Variants in DMRT1 observed in about 807,000 individuals in gnomAD.
DMRT1 encodes doublesex- and mab-3-related transcription factor 1.
A neutral mutation model predicts 32.3 loss-of-function variants in DMRT1; 7 were observed. The ratio of observed to expected loss-of-function variants is 0.22; its 90% CI spans 0.12 to 0.41. DMRT1 has a LOEUF of 0.41. Ranked by LOEUF, DMRT1 falls within the 10% of genes least tolerant of loss-of-function variation. The pLI is 1.00. For synonymous variants in DMRT1, 278 were observed against 206.1 expected (o/e 1.35, Z -2.99); for missense variants, 625 against 500.5 (o/e 1.25, Z -2.37).
At chr9:894,261 GCACATA>G (rs1180495238) in intron 3 of DMRT1, 66 bp downstream of exon 3, 6 of 1,546,072 alleles carry the variant, frequency 3.9e-6, no homozygotes, top group Non-Finnish European at 5.3e-6. Context: ...GCACACACAT[GCACATA>G]CACACAGAGG....
intron 3 of DMRT1, among the ~76,000 whole-genome samples, chr9:904,123 G>C (rs1817685651): frequency 6.6e-6 from 1 of 152,184 alleles, no homozygotes; most frequent in African/African-American, 2.4e-5. Context: ...AGTAGCATTA[G>C]GTTAGTAAAT....
chr9:930,015 G>A (rs1818657261), intron 4 of DMRT1, among the ~76,000 whole-genome samples: 1 of 152,118 alleles, frequency 6.6e-6, no homozygotes, highest in South Asian at 2.1e-4. Context: ...GAGTAGCTGT[G>A]TGCCCAGCCG....
At chr9:882,067 C>T (rs912870889) in intron 2 of DMRT1, among the ~76,000 whole-genome samples, 4 of 152,144 alleles carry the variant, frequency 2.6e-5, no homozygotes, top group African/African-American at 7.2e-5. Context: ...CAGTTTTCCT[C>T]GGTGACTTGG....
chr9:922,191 T>A (rs1818376416), intron 4 of DMRT1, among the ~76,000 whole-genome samples: 1 of 152,054 alleles, frequency 6.6e-6, no homozygotes, highest in Non-Finnish European at 1.5e-5. Context: ...GAAAAAAGTC[T>A]GGGGGGCTCT....
chr9:941,254 A>T (rs1226068904), intron 4 of DMRT1, among the ~76,000 whole-genome samples: 1 of 152,048 alleles, frequency 6.6e-6, no homozygotes, highest in Non-Finnish European at 1.5e-5. Context: ...ATGGGGGTCA[A>T]CCTAAGTGTC....
At chr9:854,759 C>G (rs1589451572) in intron 2 of DMRT1, among the ~76,000 whole-genome samples, 1 of 135,742 alleles carries the variant, frequency 7.4e-6, no homozygotes, top group African/African-American at 2.8e-5. Flanking sequence ...GAGTTTCTAG[C>G]AAAACAAAAC....
intron 4 of DMRT1, among the ~76,000 whole-genome samples, chr9:928,662 A>G (rs926680918): frequency 2.6e-5 from 4 of 152,162 alleles, no homozygotes; most frequent in Admixed American, 2.6e-4. Flanking sequence ...GTAGTTTTTT[A>G]CCAGGGTGGG....
At chr9:878,200 G>GCCCCCCCCCCCCCC (rs34336062) in intron 2 of DMRT1, among the ~76,000 whole-genome samples, 10 of 94,032 alleles carry the variant, frequency 1.1e-4, no homozygotes, top group Admixed American at 2.5e-4. Flanking sequence ...TGCAGCTGCT[G>GCCCCCCCCCCCCCC]CCCCCCCCCC....
chr9:900,960 G>A (rs534046979), intron 3 of DMRT1, among the ~76,000 whole-genome samples: 56 of 151,854 alleles, frequency 3.7e-4, no homozygotes, highest in Admixed American at 1.4e-3. Flanking sequence ...TAGAAGCGCT[G>A]GGATTACAGG....
intron 3 of DMRT1, among the ~76,000 whole-genome samples, chr9:908,513 A>G (rs1586602037): frequency 1.3e-5 from 2 of 152,186 alleles, no homozygotes; most frequent in East Asian, 3.9e-4. Flanking sequence ...CCTCTCCACA[A>G]TTTATGGAAA....
At chr9:915,927 G>A (rs1478601777) in intron 3 of DMRT1, among the ~76,000 whole-genome samples, 2 of 151,986 alleles carry the variant, frequency 1.3e-5, no homozygotes, top group African/African-American at 4.8e-5. Context: ...GAGAGATGGG[G>A]TTTCATTGTG....
chr9:904,942 C>CAAA (rs71327357), intron 3 of DMRT1, among the ~76,000 whole-genome samples: 27 of 135,360 alleles, frequency 2.0e-4, no homozygotes, highest in African/African-American at 6.6e-4. Flanking sequence ...AACTCCGTCT[C>CAAA]AAAAAAAAAA....
chr9:851,499 A>G (rs994233744), intron 2 of DMRT1, among the ~76,000 whole-genome samples: 10 of 152,124 alleles, frequency 6.6e-5, no homozygotes, highest in African/African-American at 2.4e-4. Context: ...CGGCCTCCCA[A>G]AGTGCTGGGA....
At chr9:896,370 C>A (rs188930971) in intron 3 of DMRT1, among the ~76,000 whole-genome samples, 2 of 149,130 alleles carry the variant, frequency 1.3e-5, no homozygotes, top group African/African-American at 5.0e-5. Context: ...CCTCCACCTC[C>A]TGGGTTCAAG....
Position 954,881 on chromosome 9 carries a change from C to T in DMRT1, c.968-13104C>T, listed in dbSNP as rs565246775. On this transcript the variant is annotated intron_variant, in intron 4 of 4. Coordinates refer to ENST00000382276, the MANE Select transcript of DMRT1 (RefSeq NM_021951.3). ...GGTCTCGGACTCCTGACCTCGTGAT[C>T]TGCCTGCCTCGGCCTCCCAAAGTGC... 2.0e-5 allele frequency among the ~76,000 whole-genome samples: 3 copies of T among 152,244 alleles called. No homozygotes were observed. In the East Asian group the frequency reaches 5.8e-4, roughly 29 times the overall value.
chr9:963,380 CGGG>C (rs1008466084), intron 4 of DMRT1, among the ~76,000 whole-genome samples: 2 of 151,456 alleles, frequency 1.3e-5, no homozygotes, highest in African/African-American at 4.9e-5. Flanking sequence ...TAATTGCACT[CGGG>C]GGAAAAACAC....
At chr9:937,006 C>T (rs913050648) in intron 4 of DMRT1, among the ~76,000 whole-genome samples, 1 of 152,150 alleles carries the variant, frequency 6.6e-6, no homozygotes, top group Non-Finnish European at 1.5e-5. Context: ...TCCCATTTTC[C>T]ATTTCCTCCT....
intron 4 of DMRT1, among the ~76,000 whole-genome samples, chr9:929,075 GTGAT>G: frequency 6.6e-6 from 1 of 152,178 alleles, no homozygotes; most frequent in South Asian, 2.1e-4. Context: ...CTGATCTCAA[GTGAT>G]CTGCCTGCCT....
At chr9:852,317 G>A (rs1589448866) in intron 2 of DMRT1, among the ~76,000 whole-genome samples, 1 of 149,414 alleles carries the variant, frequency 6.7e-6, no homozygotes, top group Non-Finnish European at 1.5e-5. Context: ...AAATGATTTT[G>A]ACTCTACATG....
Sources: gnomAD v4.1 joint callset for allele counts (sites outside exome capture counted in the v4.1 genomes callset) on GRCh38, gnomAD v4.1.1 for gene constraint, MANE v1.5 for transcripts, NCBI Gene and HGNC (gene_info 2026-07-23, HGNC 2026-07-21) for gene names.